TWSG1: variants seen among roughly 807,000 people sequenced by gnomAD.
The protein encoded by TWSG1 is twisted gastrulation protein homolog 1.
Under a neutral mutation model 23.0 loss-of-function variants are expected in TWSG1, and 15 were observed. That is an observed-to-expected ratio of 0.65 (90% CI 0.44 to 1.00). TWSG1 has a LOEUF of 1.00. Among genes scored for constraint, TWSG1 ranks in the 50% least tolerant of loss-of-function variants. The pLI is 0.00. For missense variants in TWSG1, 242 were observed against 278.7 expected (o/e 0.87, Z 0.94); for synonymous variants, 86 against 92.8 (o/e 0.93, Z 0.42).
rs2040424297 is a variant in TWSG1 at position 9,336,470 on chromosome 18, C to A, written c.-37-723C>A. ...TTAATGCAATTAGTAATTAAACAGCCTTTTGTTATTTGCTCAATTATTTAA... is the reference window on the plus strand; with the variant it reads ...TTAATGCAATTAGTAATTAAACAGCATTTTGTTATTTGCTCAATTATTTAA... On this transcript the variant is annotated intron_variant, in intron 1 of 4. Transcript: ENST00000262120. 4.0e-5 allele frequency among the ~76,000 whole-genome samples: 6 copies of A among 151,826 alleles called. No homozygotes were observed. In the South Asian group the frequency reaches 1.2e-3, roughly 31 times the overall value.
At position 9,401,457 on chromosome 18, in the gene TWSG1, A is replaced by G. The variant is rs1178610139; in HGVS notation, c.*1930A>G. 6.8e-6 allele frequency: 1 copy of G among 147,782 alleles called. No homozygotes were observed. The highest frequency in any genetic ancestry group is 1.9e-4 in the East Asian group (1 of 5,202). 9.2% of individuals were successfully genotyped at this position (147,782 alleles called of 1,614,324 possible). A position where few individuals can be genotyped will look rare whatever the true frequency, so the allele number is the denominator to read the frequency against. On this transcript the variant is annotated 3_prime_UTR_variant, in exon 5 of 5. Coordinates refer to ENST00000262120, the MANE Select transcript of TWSG1 (RefSeq NM_020648.6). ...CAACAAATATTTTAAAACTGCATTT[A>G]TCATTTTTTAGGTCTTCATTAAATT...
intron 3 of TWSG1, among the ~76,000 whole-genome samples, chr18:9,379,247 A>G (rs2040645244): frequency 6.6e-6 from 1 of 152,212 alleles, no homozygotes; most frequent in African/African-American, 2.4e-5. Context: ...CACAATAGCA[A>G]AGACATGGAA....
intron 2 of TWSG1, among the ~76,000 whole-genome samples, chr18:9,357,016 G>A (rs1321705196): frequency 1.3e-5 from 2 of 149,210 alleles, no homozygotes; most frequent in Non-Finnish European, 1.5e-5. Context: ...TTATCTGATG[G>A]TGTTTCTAAA....
intron 2 of TWSG1, 115 bp downstream of exon 2, chr18:9,337,467 C>A: frequency 1.9e-6 from 2 of 1,049,890 alleles, no homozygotes; most frequent in Non-Finnish European, 2.7e-6. Context: ...AGTATTGGGT[C>A]AGGGCCTGAG....
intron 3 of TWSG1, among the ~76,000 whole-genome samples, chr18:9,385,939 CGGAT>C (rs1368388162): frequency 6.6e-6 from 1 of 151,500 alleles, no homozygotes; most frequent in Non-Finnish European, 1.5e-5. Context: ...GAGGCCAAGG[CGGAT>C]GGATCACCTG....
At chr18:9,351,402 T>C (rs895468919) in intron 2 of TWSG1, among the ~76,000 whole-genome samples, 1 of 152,146 alleles carries the variant, frequency 6.6e-6, no homozygotes, top group African/African-American at 2.4e-5. Context: ...TATACAACTT[T>C]TGTGTTTTAC....
rs142145401 is a variant in TWSG1, at chr18:9,345,955, G to T, written c.123+8603G>T. ...CATCTTGCATCTGTGTGGTATACTT[G>T]TTACTATTGATGAACCAATATTGAT... On this transcript the variant is annotated intron_variant, in intron 2 of 4. Transcript: ENST00000262120. Among the ~76,000 whole-genome samples, 820 of 152,232 alleles carry T rather than the reference G, an allele frequency of 5.4e-3. 2 individuals are homozygous for T. The highest frequency in any genetic ancestry group is 0.018 in the South Asian group (85 of 4,828).
chr18:9,367,588 C>T (rs1356023036), intron 3 of TWSG1, among the ~76,000 whole-genome samples: 1 of 152,174 alleles, frequency 6.6e-6, no homozygotes, highest in Non-Finnish European at 1.5e-5. Flanking sequence ...GAGGTGAACA[C>T]CAGGCAAGCG....
At chr18:9,386,386 G>A (rs550620453) in intron 3 of TWSG1, among the ~76,000 whole-genome samples, 4 of 151,356 alleles carry the variant, frequency 2.6e-5, no homozygotes, top group South Asian at 2.1e-4. Context: ...CCCAGGAGGC[G>A]GAGCTTGCAG....
At chr18:9,351,657 T>G (rs1376258729) in intron 2 of TWSG1, among the ~76,000 whole-genome samples, 1 of 151,470 alleles carries the variant, frequency 6.6e-6, no homozygotes, top group East Asian at 1.9e-4. Flanking sequence ...TGTTTTTTTG[T>G]TTTTTGAGAC....
rs1204320520 is a variant in TWSG1, at chr18:9,399,329, A to G, written c.491-17A>G. ...TTCTTCTTTCTTGCCCTGAAATCTTAAATTTTTGTTTTTCAGAACACATGT... is the reference window on the plus strand; with the variant it reads ...TTCTTCTTTCTTGCCCTGAAATCTTGAATTTTTGTTTTTCAGAACACATGT... On this transcript the variant is annotated splice_polypyrimidine_tract_variant and intron_variant, in intron 4 of 4. Coordinates refer to ENST00000262120, the MANE Select transcript of TWSG1 (RefSeq NM_020648.6). The G allele has an allele frequency of 1.3e-6, 2 of 1,543,232 alleles. No individual in the cohort carries two copies. The highest frequency in any genetic ancestry group is 1.7e-6 in the Non-Finnish European group (2 of 1,147,166).
chr18:9,396,916 G>A (rs1000336258), intron 4 of TWSG1: 12 of 239,604 alleles, frequency 5.0e-5, no homozygotes, highest in East Asian at 8.4e-5. Flanking sequence ...AAAATTAGCC[G>A]GGTGTGGTGG....
At chr18:9,394,547 C>T (rs1261236755) in intron 3 of TWSG1, among the ~76,000 whole-genome samples, 1 of 152,124 alleles carries the variant, frequency 6.6e-6, no homozygotes, top group Non-Finnish European at 1.5e-5. Context: ...ATGTATTATA[C>T]ATTTCAAATA....
chr18:9,401,893 G>A lies in TWSG1; in HGVS notation c.*2366G>A, dbSNP rs961399976. 6.6e-6 allele frequency: 1 copy of A among 151,818 alleles called. No individual in the cohort carries two copies. Among genetic ancestry groups the A allele is most frequent in the African/African-American group, 2.4e-5 (1 of 41,350 alleles). 9.4% of individuals were successfully genotyped at this position (151,818 alleles called of 1,614,324 possible). A position where few individuals can be genotyped will look rare whatever the true frequency, so the allele number is the denominator to read the frequency against. ...CTTTTTTTATAACCAGATTTTTAAAGCACTAGGTTTTAAATCAGTGGGTAT... is the reference window on the plus strand; with the variant it reads ...CTTTTTTTATAACCAGATTTTTAAAACACTAGGTTTTAAATCAGTGGGTAT... On this transcript the variant is annotated 3_prime_UTR_variant, in exon 5 of 5. Coordinates refer to ENST00000262120, the MANE Select transcript of TWSG1 (RefSeq NM_020648.6).
At chr18:9,350,369 TAAAAC>T (rs903843551) in intron 2 of TWSG1, among the ~76,000 whole-genome samples, 28 of 152,306 alleles carry the variant, frequency 1.8e-4, no homozygotes, top group African/African-American at 6.3e-4. Flanking sequence ...GTTGCATTGT[TAAAAC>T]AAAATGAGGA....
At position 9,389,719 on chromosome 18, in the gene TWSG1, G is replaced by A. The variant is rs576520504; in HGVS notation, c.224-6561G>A. The stretch of plus-strand genomic sequence containing the variant: ...TATAAAAACAGGAATTTATAAATTT[G>A]GTTTAACTTTTTAAACTTTTAATCT... On this transcript the variant is annotated intron_variant, in intron 3 of 4. Transcript: ENST00000262120. 1.6e-4 allele frequency among the ~76,000 whole-genome samples: 24 copies of A among 152,226 alleles called. No individual in the cohort carries two copies. In the South Asian group the frequency reaches 1.9e-3, roughly 12 times the overall value.
At chr18:9,342,062 G>C (rs887528102) in intron 2 of TWSG1, among the ~76,000 whole-genome samples, 3 of 152,150 alleles carry the variant, frequency 2.0e-5, no homozygotes, top group African/African-American at 7.2e-5. Flanking sequence ...CAAAATCTGT[G>C]GGGAACGGAG....
chr18:9,376,197 G>A (rs565190480), intron 3 of TWSG1, among the ~76,000 whole-genome samples: 8 of 152,232 alleles, frequency 5.3e-5, no homozygotes, highest in East Asian at 1.9e-4. Context: ...GATTACAGGC[G>A]TAAGCCACCA....
chr18:9,355,684 G>C (rs2040523749), intron 2 of TWSG1, among the ~76,000 whole-genome samples: 1 of 152,202 alleles, frequency 6.6e-6, no homozygotes, highest in Non-Finnish European at 1.5e-5. Context: ...CTGATTTGCA[G>C]TAAGATTTTA....
Sources: gnomAD v4.1 joint callset for allele counts (sites outside exome capture counted in the v4.1 genomes callset) on GRCh38, gnomAD v4.1.1 for gene constraint, MANE v1.5 for transcripts, NCBI Gene and HGNC (gene_info 2026-07-23, HGNC 2026-07-21) for gene names.